The following ZNF782 variants were observed in gnomAD, a reference collection of about 807,000 sequenced individuals.
The protein encoded by ZNF782 is zinc finger protein 782.
Under a neutral mutation model 13.0 loss-of-function variants are expected in ZNF782, and 12 were observed. The ratio of observed to expected loss-of-function variants is 0.92; its 90% CI spans 0.59 to 1.50. ZNF782 has a LOEUF of 1.50. Ranked by LOEUF, ZNF782 falls within the 40% of genes most tolerant of loss-of-function variation. The pLI is 0.00. For synonymous variants in ZNF782, 284 were observed against 283.0 expected (o/e 1.00, Z -0.04); for missense variants, 770 against 822.9 (o/e 0.94, Z 0.79).
At chr9:96,895,018 C>T in the ZNF782 span, 2 of 152,222 alleles carry the variant, frequency 1.3e-5, no homozygotes, top group Admixed American at 6.5e-5. Flanking sequence ...GCTACCACAT[C>T]TAGCTCAGGA....
chr9:96,825,165 GC>G (rs1330160098), intron 5 of ZNF782, among the ~76,000 whole-genome samples: 2 of 151,878 alleles, frequency 1.3e-5, no homozygotes, highest in Non-Finnish European at 2.9e-5. Context: ...ATACTACAAG[GC>G]TACAGTAACC....
At chr9:96,898,509 C>T in the ZNF782 span, among the ~76,000 whole-genome samples, 7 of 148,862 alleles carry the variant, frequency 4.7e-5, no homozygotes, top group South Asian at 4.3e-4. Context: ...AAAATTGTGG[C>T]AAAATATACC....
At chr9:96,844,742 A>C in intron 4 of ZNF782, 148 bp downstream of exon 4, 1 of 1,048,904 alleles carries the variant, frequency 9.5e-7, no homozygotes, top group South Asian at 1.5e-5. Context: ...ATTTTCTGTT[A>C]AGTATACCTC....
At chr9:96,921,827 G>C in the ZNF782 span, among the ~76,000 whole-genome samples, 32 of 151,044 alleles carry the variant, frequency 2.1e-4, 1 homozygote, top group Admixed American at 7.9e-4. Flanking sequence ...CCAACTAGCT[G>C]GGATCACAGG....
intron 1 of ZNF782, among the ~76,000 whole-genome samples, chr9:96,863,571 A>G (rs903592846): frequency 6.6e-6 from 1 of 152,246 alleles, no homozygotes; most frequent in Non-Finnish European, 1.5e-5. Context: ...GCATGCTAAT[A>G]GCAGCACAAT....
chr9:96,848,318 A>G (rs1414824816), intron 3 of ZNF782, among the ~76,000 whole-genome samples: 4 of 152,212 alleles, frequency 2.6e-5, no homozygotes, highest in Non-Finnish European at 5.9e-5. Context: ...AGCCAGAGCA[A>G]TTAGTCAAGA....
At chr9:96,822,000 T>C (rs12554244) in intron 5 of ZNF782, among the ~76,000 whole-genome samples, 5,331 of 152,330 alleles carry the variant, frequency 0.035, 149 homozygotes, top group Non-Finnish European at 0.056. Flanking sequence ...TTAATTATTT[T>C]ATTCAGCTTT....
the ZNF782 span, among the ~76,000 whole-genome samples, chr9:96,897,473 G>A: frequency 6.6e-6 from 1 of 152,128 alleles, no homozygotes; most frequent in African/African-American, 2.4e-5. Context: ...AGGTGCTGTG[G>A]CTGGGGGAGT....
intron 5 of ZNF782, among the ~76,000 whole-genome samples, chr9:96,822,840 G>T (rs1015409930): frequency 4.6e-5 from 7 of 152,208 alleles, no homozygotes; most frequent in African/African-American, 1.7e-4. Context: ...GATTAAATAT[G>T]TTTTTAAAGA....
chr9:96,888,766 C>T, the ZNF782 span: 3 of 152,220 alleles, frequency 2.0e-5, no homozygotes, highest in Non-Finnish European at 4.4e-5. Flanking sequence ...ACATCGGGCG[C>T]ATGGTAAGCA....
chr9:96,826,124 C>T (rs1327185883), intron 5 of ZNF782, among the ~76,000 whole-genome samples: 10 of 152,192 alleles, frequency 6.6e-5, no homozygotes, highest in South Asian at 4.2e-4. Flanking sequence ...GCATTATTCA[C>T]AATAGCAAAG....
At chr9:96,832,623 A>G (rs1186483240) in intron 4 of ZNF782, among the ~76,000 whole-genome samples, 1 of 152,036 alleles carries the variant, frequency 6.6e-6, no homozygotes, top group Non-Finnish European at 1.5e-5. Context: ...TTGTGATAAC[A>G]ATTCTTTTCT....
At chr9:96,932,978 C>CTT in the ZNF782 span, among the ~76,000 whole-genome samples, 1,969 of 129,434 alleles carry the variant, frequency 0.015, 116 homozygotes, top group East Asian at 0.24. Flanking sequence ...CTTTTCTTTT[C>CTT]TTTTTTTTTT....
chr9:96,913,349 T>C, the ZNF782 span, among the ~76,000 whole-genome samples: 81 of 151,592 alleles, frequency 5.3e-4, no homozygotes, highest in East Asian at 0.015. Context: ...ACCATTAGAG[T>C]AGTTCAGACC....
At chr9:96,921,036 G>GA in the ZNF782 span, among the ~76,000 whole-genome samples, 1 of 147,244 alleles carries the variant, frequency 6.8e-6, no homozygotes, top group Non-Finnish European at 1.5e-5. Flanking sequence ...TGTATAATGT[G>GA]AAAGTTTTAA....
upstream of ZNF782, among the ~76,000 whole-genome samples, chr9:96,878,170 T>G (rs954607878): frequency 1.3e-5 from 2 of 152,162 alleles, no homozygotes; most frequent in African/African-American, 4.8e-5. Context: ...TGCCTTAGCC[T>G]CCCCAGTGGC....
At chr9:96,887,282 AAAGAAAGGAAGG>A in the ZNF782 span, 1 of 112,148 alleles carries the variant, frequency 8.9e-6, no homozygotes, top group Non-Finnish European at 1.8e-5. Context: ...CCATTGCAAA[AAAGAAAGGAAGG>A]AAGGAAGGAA....
the ZNF782 span, among the ~76,000 whole-genome samples, chr9:96,929,970 C>CTAT: frequency 1.3e-4 from 20 of 151,950 alleles, no homozygotes; most frequent in African/African-American, 4.1e-4. Flanking sequence ...GAAGACAGTC[C>CTAT]TATTATTATT....
the ZNF782 span, chr9:96,888,819 G>C: frequency 2.6e-5 from 4 of 152,280 alleles, no homozygotes; most frequent in Non-Finnish European, 4.4e-5. Context: ...ATTAGCAAAA[G>C]CATCTGTCAT....
Sources: gnomAD v4.1 joint callset for allele counts (sites outside exome capture counted in the v4.1 genomes callset) on GRCh38, gnomAD v4.1.1 for gene constraint, MANE v1.5 for transcripts, NCBI Gene and HGNC (gene_info 2026-07-23, HGNC 2026-07-21) for gene names.